The following SCN1B variants were observed in gnomAD, a reference collection of about 807,000 sequenced individuals.
SCN1B encodes the protein sodium channel regulatory subunit beta-1.
Under a neutral mutation model 25.7 loss-of-function variants are expected in SCN1B, and 11 were observed. The ratio of observed to expected loss-of-function variants is 0.43; its 90% CI spans 0.27 to 0.71. The LOEUF (loss-of-function observed/expected upper bound fraction) is 0.71. SCN1B is among the 30% of genes least tolerant of loss of function. The pLI, the probability that SCN1B is intolerant of heterozygous loss-of-function variation, is 0.21. For missense variants in SCN1B, 224 were observed against 291.5 expected, an observed-to-expected ratio of 0.77 and a Z score of 1.69; for synonymous variants, 119 against 117.5, an observed-to-expected ratio of 1.01 and a Z score of -0.08.
intron 5 of SCN1B, 41 bp downstream of exon 5, chr19:35,039,747 G>A (rs1345312626): frequency 4.4e-6 from 7 of 1,594,934 alleles, no homozygotes; most frequent in African/African-American, 1.3e-5. Context: ...GGATTGGGAG[G>A]GGCCGAAGTC....
At position 35,032,653 on chromosome 19, in the gene SCN1B, G is replaced by T. The variant is rs774152936; in HGVS notation, c.166G>T (p.Glu56Ter). Residue 56 changes from glutamate to a stop codon, truncating the protein, a stop_gained, in exon 2 of 6, where the codon GAG becomes TAG. Transcript: ENST00000262631. LOFTEE classifies it high-confidence loss of function. The surrounding 1 kb of genome is among the most constrained non-coding windows in gnomAD (Gnocchi z 4.3). Reference protein sequence around the residue: ...RSETNAETFTEWTFRQKGTEE... With the variant: ...RSETNAETFT ...CGAGACCAACGCTGAGACCTTCACC[G>T]AGTGGACCTTCCGCCAGAAGGGCAC... is the stretch of plus-strand genomic sequence containing the variant. The T allele has an allele frequency of 6.2e-7, 1 of 1,614,100 alleles. No individual in the cohort carries two copies. Among genetic ancestry groups the T allele is most frequent in the Non-Finnish European group, 8.5e-7 (1 of 1,180,046 alleles).
In SCN1B at chr19:35,040,036, CCCCA is replaced by C. The variant is rs2064277262; in HGVS notation, c.*249_*252del. On this transcript the variant is annotated 3_prime_UTR_variant, in exon 6 of 6. Coordinates refer to ENST00000262631, the MANE Select transcript of SCN1B (RefSeq NM_001037.5). ...ATGGGTAAAGCAATACTGCCGCTGCCCCCACCCTGCTTCTGCTGCCTGTTTGGGG... is the reference window on the plus strand; with the variant it reads ...ATGGGTAAAGCAATACTGCCGCTGCCCCCTGCTTCTGCTGCCTGTTTGGGG... 12 of 383,556 alleles carry C rather than the reference CCCCA, an allele frequency of 3.1e-5. No homozygotes were observed. The South Asian group carries it at 3.3e-4, about 10-fold the overall frequency. 23.8% of individuals were successfully genotyped at this position (383,556 alleles called of 1,614,324 possible).
At chr19:35,036,856 G>A (rs1280990711) in intron 3 of SCN1B, 1 of 151,998 alleles carries the variant, frequency 6.6e-6, no homozygotes, top group Non-Finnish European at 1.5e-5. Flanking sequence ...CCGGGTTCAA[G>A]CGATTCTCCT....
Position 35,030,871 on chromosome 19 carries a change from G to T in SCN1B, c.40+11G>T, listed in dbSNP as rs1176432306. 2.7e-6 allele frequency: 2 copies of T among 731,114 alleles called. No homozygotes were observed. Among genetic ancestry groups the T allele is most frequent in the Non-Finnish European group, 1.8e-6 (1 of 570,726 alleles). 45.3% of individuals were successfully genotyped at this position (731,114 alleles called of 1,614,324 possible). A position where few individuals can be genotyped will look rare whatever the true frequency, so the allele number is the denominator to read the frequency against. ...TCGGCGCGGCACTGGGTGAGTGCGC[G>T]GGGGGCGCGCGCGGCCGGGGGGCAC... On this transcript the variant is annotated intron_variant, in intron 1 of 5. Coordinates refer to ENST00000262631, the MANE Select transcript of SCN1B (RefSeq NM_001037.5).
intron 5 of SCN1B, 43 bp downstream of exon 5, chr19:35,039,749 GC>G (rs1188873732): frequency 1.1e-5 from 18 of 1,592,068 alleles, no homozygotes; most frequent in Non-Finnish European, 1.5e-5. Flanking sequence ...ATTGGGAGGG[GC>G]CGAAGTCCCC....
At chr19:35,034,183 G>T in intron 3 of SCN1B, 3 of 1,542,304 alleles carry the variant, frequency 1.9e-6, no homozygotes, top group African/African-American at 2.7e-5. Flanking sequence ...AGGTGGTGGC[G>T]AGGGTGGCGG....
chr19:35,039,512 T>C, intron 4 of SCN1B, 123 bp from the exon 5 acceptor site: 2 of 1,065,204 alleles, frequency 1.9e-6, no homozygotes, highest in Non-Finnish European at 1.4e-6. Context: ...ACCCATAGAC[T>C]CCTTCTCTCT....
At chr19:35,035,655 C>G (rs73040314) in intron 3 of SCN1B, 22,561 of 151,998 alleles carry the variant, frequency 0.15, 1,719 homozygotes, top group East Asian at 0.2. Context: ...TGTGCTATTA[C>G]CAGCATTTAC....
chr19:35,039,834 G>A lies in SCN1B; in HGVS notation c.*43G>A. The A allele has an allele frequency of 1.1e-6, 1 of 950,504 alleles. No homozygotes were observed. 58.9% of individuals were successfully genotyped at this position (950,504 alleles called of 1,614,324 possible). A position where few individuals can be genotyped will look rare whatever the true frequency, so the allele number is the denominator to read the frequency against. On this transcript the variant is annotated 3_prime_UTR_variant, in exon 6 of 6. Coordinates refer to ENST00000262631, the MANE Select transcript of SCN1B (RefSeq NM_001037.5). Reference sequence around the variant, plus strand: ...GCCTCAAGGAAGAGCCAGCCGTAATGGGGACTCTCCAGGCACCGCCTGCCC... The same window carrying A: ...GCCTCAAGGAAGAGCCAGCCGTAATAGGGACTCTCCAGGCACCGCCTGCCC...
chr19:35,038,904 A>C (rs956330928), intron 3 of SCN1B: 6 of 610,478 alleles, frequency 9.8e-6, no homozygotes, highest in Non-Finnish European at 1.8e-5. Flanking sequence ...GAGGGCCTCC[A>C]GAATGACACA....
In SCN1B at chr19:35,032,736, A is replaced by G; in HGVS notation, c.207+42A>G. The G allele has an allele frequency of 6.2e-7, 1 of 1,606,424 alleles. No homozygotes were observed. The highest frequency in any genetic ancestry group is 8.5e-7 in the Non-Finnish European group (1 of 1,175,746). On this transcript the variant is annotated intron_variant, in intron 2 of 5. Transcript: ENST00000262631. The surrounding 1 kb of genome is among the most constrained non-coding windows in gnomAD (Gnocchi z 4.3). ...AACGGGCATGGGAGGGCAGGGGTCC[A>G]CGAGTGGGAGGCGGTGGGGCTGGAT...
At position 35,030,595 on chromosome 19, in the gene SCN1B, C is replaced by T. The variant is rs77001837; in HGVS notation, c.-226C>T. The T allele has an allele frequency of 7.2e-3, 1,100 of 152,202 alleles. 15 individuals carry two copies. Among genetic ancestry groups the T allele is most frequent in the African/African-American group, 0.023 (961 of 41,074 alleles). The allele number at this position is 152,202 out of a possible 1,614,324, so 9.4% of individuals were successfully genotyped here. A position where few individuals can be genotyped will look rare whatever the true frequency, so the allele number is the denominator to read the frequency against. On this transcript the variant is annotated 5_prime_UTR_variant, in exon 1 of 6. Coordinates refer to ENST00000262631, the MANE Select transcript of SCN1B (RefSeq NM_001037.5). The stretch of plus-strand genomic sequence containing the variant: ...AGCAGCCCGAGCAGCGGCCGCCGCC[C>T]GCGCGGCGGGGATGCCCGGACGCCG...
rs750771624 is a variant in SCN1B, at chr19:35,032,737, C to T, written c.207+43C>T. 2.7e-5 allele frequency: 43 copies of T among 1,604,208 alleles called. No homozygotes were observed. Among genetic ancestry groups the T allele is most frequent in the African/African-American group, 1.5e-4 (11 of 74,766 alleles). ...ACGGGCATGGGAGGGCAGGGGTCCACGAGTGGGAGGCGGTGGGGCTGGATC... is the reference window on the plus strand; with the variant it reads ...ACGGGCATGGGAGGGCAGGGGTCCATGAGTGGGAGGCGGTGGGGCTGGATC... On this transcript the variant is annotated intron_variant, in intron 2 of 5. Transcript: ENST00000262631. The surrounding 1 kb of genome is among the most constrained non-coding windows in gnomAD (Gnocchi z 4.3).
chr19:35,030,957 G>T (rs1183522643), intron 1 of SCN1B, 97 bp downstream of exon 1: 2 of 205,352 alleles, frequency 9.7e-6, no homozygotes, highest in Non-Finnish European at 1.9e-5. Flanking sequence ...CCGCGCGAGG[G>T]CCACCCCCGG....
chr19:35,039,418 GGGGTCGTCAGACCCA>G (rs1208879254), intron 4 of SCN1B, 160 bp downstream of exon 4: 6 of 1,106,224 alleles, frequency 5.4e-6, no homozygotes, highest in Non-Finnish European at 8.0e-6. Flanking sequence ...ACACAGGATA[GGGGTCGTCAGACCCA>G]GCCCCTTCCT....
rs2064221831 is a variant in SCN1B, at chr19:35,032,660, C to T, written c.173C>T (p.Thr58Ile). ...AACGCTGAGACCTTCACCGAGTGGA[C>T]CTTCCGCCAGAAGGGCACTGAGGAG... ...ETNAETFTEWTFRQKGTEEFV... is the reference protein window; with the variant it reads ...ETNAETFTEWIFRQKGTEEFV... Residue 58 changes from threonine to isoleucine, a missense_variant, in exon 2 of 6, where the codon ACC becomes ATC. By Grantham distance (89) the Thr-to-Ile change is moderately conservative. This residue lies in a region of SCN1B where 126 missense variants were observed against 204.9 expected (regional missense o/e 0.61). Transcript: ENST00000262631. This position sits in a 1 kb window ranked among gnomAD's most constrained non-coding sequence, Gnocchi z 4.3. 6.2e-7 allele frequency: 1 copy of T among 1,614,096 alleles called. No individual in the cohort carries two copies. The highest frequency in any genetic ancestry group is 8.5e-7 in the Non-Finnish European group (1 of 1,180,042).
chr19:35,040,033 T>G lies in SCN1B; in HGVS notation c.*242T>G. The G allele has an allele frequency of 1.8e-5, 6 of 333,926 alleles. No homozygotes were observed. The highest frequency in any genetic ancestry group is 7.1e-5 in the East Asian group (1 of 14,176). 20.7% of individuals were successfully genotyped at this position (333,926 alleles called of 1,614,324 possible). On this transcript the variant is annotated 3_prime_UTR_variant, in exon 6 of 6. Transcript: ENST00000262631. Reference sequence around the variant, plus strand: ...ATGATGGGTAAAGCAATACTGCCGCTGCCCCCACCCTGCTTCTGCTGCCTG... The same window carrying G: ...ATGATGGGTAAAGCAATACTGCCGCGGCCCCCACCCTGCTTCTGCTGCCTG...
rs746419159 is a variant in SCN1B, at chr19:35,033,865, G to T, written c.448+126G>T. ...GCCAGCCAACCGCCCACAGCAGCGG[G>T]CTGAGGGGGAGGGGAGCAGCCCCTC... On this transcript the variant is annotated intron_variant, in intron 3 of 5. Coordinates refer to ENST00000262631, the MANE Select transcript of SCN1B (RefSeq NM_001037.5). 3.7e-6 allele frequency: 6 copies of T among 1,609,182 alleles called. No homozygotes were observed. In the South Asian group the frequency reaches 5.5e-5, roughly 15 times the overall value.
chr19:35,030,798 G>A lies in SCN1B; in HGVS notation c.-23G>A. On this transcript the variant is annotated 5_prime_UTR_variant, in exon 1 of 6. Transcript: ENST00000262631. ...ATTAATACCGGCGGCCCGGGAGGGG[G>A]GCGCAGCACGCGCCGCGCAGCCATG... 9.7e-7 allele frequency: 1 copy of A among 1,032,150 alleles called. No homozygotes were observed. The highest frequency in any genetic ancestry group is 1.2e-6 in the Non-Finnish European group (1 of 803,016). The allele number at this position is 1,032,150 out of a possible 1,614,324, so 63.9% of individuals were successfully genotyped here.
Sources: gnomAD v4.1 joint callset for allele counts on GRCh38, gnomAD v4.1.1 for gene constraint, gnomAD v4.1.1 regional missense constraint, Gnocchi (gnomAD v3.1) non-coding constraint, MANE v1.5 for transcripts, NCBI Gene and HGNC (gene_info 2026-07-23, HGNC 2026-07-21) for gene names.